IDO2: variants seen among roughly 807,000 people sequenced by gnomAD.
IDO2 encodes the protein indoleamine 2,3-dioxygenase-like 1 protein.
In IDO2, 46 loss-of-function variants were observed where a neutral mutation model predicts 45.1. The observed-to-expected ratio is 1.02, with a 90% CI of 0.80 to 1.30. The LOEUF (loss-of-function observed/expected upper bound fraction) is 1.30, where lower values mean the gene tolerates loss of function less well. Among genes scored for constraint, IDO2 ranks in the 50% most tolerant of loss-of-function variants. IDO2 has a pLI of 0.00. For missense variants in IDO2, 544 were observed against 491.8 expected, an observed-to-expected ratio of 1.11 and a Z score of -1.00; for synonymous variants, 218 against 184.9, an observed-to-expected ratio of 1.18 and a Z score of -1.45.
chr8:39,989,789 A>T (rs1447279036), exon 8 of IDO2: 4 of 1,605,298 alleles, frequency 2.5e-6, no homozygotes, highest in Non-Finnish European at 3.4e-6. Flanking sequence ...CCCTGCAGCG[A>T]CTGAGACTGT....
exon 10 of IDO2, chr8:40,013,593 G>C: frequency 1.2e-6 from 2 of 1,613,810 alleles, no homozygotes; most frequent in Non-Finnish European, 8.5e-7. Context: ...AATGCCTGCA[G>C]GGCTGATGTA....
chr8:39,990,439 G>T (rs190880153), intron 8 of IDO2, among the ~76,000 whole-genome samples: 2 of 152,160 alleles, frequency 1.3e-5, no homozygotes, highest in Admixed American at 6.5e-5. Flanking sequence ...GAGAGCTCCC[G>T]TGTATAAATG....
intron 6 of IDO2, chr8:39,985,729 G>A: frequency 1.9e-6 from 1 of 521,086 alleles, no homozygotes; most frequent in Non-Finnish European, 3.4e-6. Flanking sequence ...ATAGATAAGG[G>A]ATTTTTTTTT....
At chr8:39,971,407 A>G (rs933622171) in intron 3 of IDO2, among the ~76,000 whole-genome samples, 11 of 152,240 alleles carry the variant, frequency 7.2e-5, no homozygotes, top group African/African-American at 2.7e-4. Flanking sequence ...GATATACAGG[A>G]AATAAATGTT....
intron 9 of IDO2, among the ~76,000 whole-genome samples, chr8:40,006,260 G>T (rs13280191): frequency 0.44 from 66,357 of 152,070 alleles, 15,039 homozygotes; most frequent in South Asian, 0.54. Context: ...TTTCACATTT[G>T]GTACAGTATT....
rs965176471 is a variant in IDO2 at position 40,003,278 on chromosome 8, G to A, written c.668-2049G>A. Among the ~76,000 whole-genome samples, 28 of 150,210 alleles carry A rather than the reference G, an allele frequency of 1.9e-4. 1 individual carries two copies. The highest frequency in any genetic ancestry group is 1.2e-4 in the Non-Finnish European group (8 of 67,840). On this transcript the variant is annotated intron_variant, in intron 8 of 10. Coordinates refer to ENST00000502986, the Ensembl canonical transcript of IDO2. ...CCAGCTACTCAGGATGCTGAAGCAG[G>A]AGAATTGCTTGAACCAAGGAGGCGG...
intron 9 of IDO2, among the ~76,000 whole-genome samples, chr8:40,006,148 C>T (rs973864485): frequency 4.0e-4 from 61 of 152,270 alleles, no homozygotes; most frequent in African/African-American, 1.1e-3. Context: ...GGGTAGTCCC[C>T]AACTCAATAC....
chr8:39,954,772 C>T (rs1159069631), intron 2 of IDO2, among the ~76,000 whole-genome samples: 1 of 150,548 alleles, frequency 6.6e-6, no homozygotes, highest in Non-Finnish European at 1.5e-5. Context: ...TCTCCTGCCT[C>T]AGTCTCCTGA....
chr8:39,992,378 G>A (rs1801951702), intron 8 of IDO2, among the ~76,000 whole-genome samples: 3 of 152,322 alleles, frequency 2.0e-5, no homozygotes, highest in South Asian at 4.2e-4. Context: ...CTGCCCAGGA[G>A]TGAAGGTGCC....
intron 8 of IDO2, among the ~76,000 whole-genome samples, chr8:39,993,444 G>A (rs1353336729): frequency 1.3e-5 from 2 of 152,150 alleles, no homozygotes; most frequent in African/African-American, 2.4e-5. Context: ...GTAATGAGGA[G>A]TCGAAGGGTT....
intron 1 of IDO2, among the ~76,000 whole-genome samples, chr8:39,945,092 A>G (rs1355413258): frequency 6.6e-6 from 1 of 152,218 alleles, no homozygotes; most frequent in Non-Finnish European, 1.5e-5. Flanking sequence ...GAAGAATGAC[A>G]AAGTTCATAA....
intron 8 of IDO2, among the ~76,000 whole-genome samples, chr8:39,991,024 A>C (rs1808490201): frequency 6.6e-6 from 1 of 152,188 alleles, no homozygotes; most frequent in East Asian, 1.9e-4. Flanking sequence ...GCAGGAAAGA[A>C]AGATTCTGGG....
chr8:39,945,531 C>G (rs1199911977), intron 1 of IDO2, among the ~76,000 whole-genome samples: 1 of 152,168 alleles, frequency 6.6e-6, no homozygotes, highest in Non-Finnish European at 1.5e-5. Context: ...GGAGGGATAA[C>G]AGTCAGGTGC....
chr8:40,014,633 G>A (rs1374091120), intron 10 of IDO2, among the ~76,000 whole-genome samples: 4 of 152,122 alleles, frequency 2.6e-5, no homozygotes, highest in African/African-American at 7.2e-5. Context: ...AGCTACCAAC[G>A]GGATACTTTG....
At chr8:39,944,049 G>A (rs1200176065) in intron 1 of IDO2, among the ~76,000 whole-genome samples, 1 of 151,974 alleles carries the variant, frequency 6.6e-6, no homozygotes, top group Non-Finnish European at 1.5e-5. Flanking sequence ...TGAAACCTGC[G>A]TGAGAACGGT....
chr8:39,989,483 G>A (rs935359340), intron 7 of IDO2, among the ~76,000 whole-genome samples: 1 of 152,172 alleles, frequency 6.6e-6, no homozygotes, highest in Non-Finnish European at 1.5e-5. Context: ...CTTGGGAGGT[G>A]CAAGAAGTAA....
At chr8:40,008,474 G>A (rs1169220256) in intron 9 of IDO2, among the ~76,000 whole-genome samples, 1 of 152,106 alleles carries the variant, frequency 6.6e-6, no homozygotes, top group Non-Finnish European at 1.5e-5. Context: ...GGTAATTCAG[G>A]ATAACTCCCT....
At chr8:39,983,592 G>A (rs1344772422) in intron 5 of IDO2, among the ~76,000 whole-genome samples, 6 of 152,086 alleles carry the variant, frequency 3.9e-5, no homozygotes, top group African/African-American at 1.2e-4. Context: ...GGCCGGGCCC[G>A]GTGGCTCACC....
At chr8:39,985,997 T>G (rs1808416393) in intron 6 of IDO2, 1 of 153,946 alleles carries the variant, frequency 6.5e-6, no homozygotes, top group Non-Finnish European at 1.4e-5. Flanking sequence ...ACCTGGCTAA[T>G]TTTTGTATTT....
Sources: gnomAD v4.1 joint callset for allele counts (sites outside exome capture counted in the v4.1 genomes callset) on GRCh38, gnomAD v4.1.1 for gene constraint, MANE v1.5 for transcripts, NCBI Gene and HGNC (gene_info 2026-07-23, HGNC 2026-07-21) for gene names.